Variants in FSTL4 observed in about 807,000 individuals in gnomAD.
FSTL4 encodes follistatin-related protein 4.
In FSTL4, 28 loss-of-function variants were observed where a neutral mutation model predicts 78.2. The observed-to-expected ratio is 0.36, with a 90% CI of 0.27 to 0.49. The LOEUF is 0.49. Among genes scored for constraint, FSTL4 ranks in the 20% least tolerant of loss-of-function variants. The pLI is 0.98. For missense variants in FSTL4, 922 were observed against 1,084.9 expected (o/e 0.85, Z 2.11); for synonymous variants, 422 against 440.5 (o/e 0.96, Z 0.53).
chr5:133,629,162 T>C, the FSTL4 span, among the ~76,000 whole-genome samples: 15 of 151,444 alleles, frequency 9.9e-5, no homozygotes, highest in Non-Finnish European at 2.1e-4. Context: ...ACCCAGCTTA[T>C]TGAGAGTTTT....
At chr5:133,704,445 G>T in the FSTL4 span, among the ~76,000 whole-genome samples, 1 of 152,154 alleles carries the variant, frequency 6.6e-6, no homozygotes, top group Admixed American at 6.5e-5. Context: ...AAGGGTTCAG[G>T]CCCCCAGGCA....
intron 3 of FSTL4, among the ~76,000 whole-genome samples, chr5:133,418,817 T>A (rs1323065277): frequency 6.6e-6 from 1 of 152,220 alleles, no homozygotes; most frequent in Non-Finnish European, 1.5e-5. Context: ...GACATATATG[T>A]ACACCCATGA....
At chr5:133,770,235 C>G in the FSTL4 span, among the ~76,000 whole-genome samples, 1 of 151,940 alleles carries the variant, frequency 6.6e-6, no homozygotes, top group Non-Finnish European at 1.5e-5. Context: ...ATTTCTTTCC[C>G]TTTGGGTAGA....
At chr5:133,500,056 A>G (rs938025018) in intron 3 of FSTL4, among the ~76,000 whole-genome samples, 1 of 152,148 alleles carries the variant, frequency 6.6e-6, no homozygotes, top group Non-Finnish European at 1.5e-5. Flanking sequence ...CATTGAATCA[A>G]TATTTGCTCT....
At chr5:133,704,026 C>T in the FSTL4 span, among the ~76,000 whole-genome samples, 7 of 152,098 alleles carry the variant, frequency 4.6e-5, no homozygotes, top group Non-Finnish European at 7.4e-5. Context: ...ACTCACCACA[C>T]GGATGTGAGG....
intron 4 of FSTL4, among the ~76,000 whole-genome samples, chr5:133,392,875 T>C (rs780680743): frequency 6.6e-6 from 1 of 152,236 alleles, no homozygotes; most frequent in Non-Finnish European, 1.5e-5. Context: ...CTCAGCTCAG[T>C]AACTTCTTAG....
At chr5:133,488,681 A>G (rs1360663066) in intron 3 of FSTL4, among the ~76,000 whole-genome samples, 1 of 152,198 alleles carries the variant, frequency 6.6e-6, no homozygotes, top group Non-Finnish European at 1.5e-5. Context: ...TTTGGAAGTA[A>G]ATTCCCAAAC....
At chr5:133,288,128 T>C (rs1377790353) in intron 6 of FSTL4, among the ~76,000 whole-genome samples, 1 of 152,236 alleles carries the variant, frequency 6.6e-6, no homozygotes, top group East Asian at 1.9e-4. Flanking sequence ...AAGTAATGCC[T>C]CAGTAAAGAA....
the FSTL4 span, among the ~76,000 whole-genome samples, chr5:133,825,856 C>T: frequency 6.6e-6 from 1 of 152,262 alleles, no homozygotes; most frequent in African/African-American, 2.4e-5. Context: ...CCCCCAGCAT[C>T]GAGCTGTCTC....
the FSTL4 span, among the ~76,000 whole-genome samples, chr5:133,817,043 G>A: frequency 6.6e-6 from 1 of 152,220 alleles, no homozygotes; most frequent in Non-Finnish European, 1.5e-5. Flanking sequence ...CTTCCCAGTG[G>A]CATCCCCAAC....
At chr5:133,300,676 C>G (rs552406739) in intron 6 of FSTL4, among the ~76,000 whole-genome samples, 3 of 152,310 alleles carry the variant, frequency 2.0e-5, no homozygotes, top group Admixed American at 6.5e-5. Flanking sequence ...GATGTTGAAC[C>G]TGCTGCCAAG....
At chr5:133,349,388 C>A (rs553671399) in intron 4 of FSTL4, among the ~76,000 whole-genome samples, 156 of 151,634 alleles carry the variant, frequency 1.0e-3, no homozygotes, top group African/African-American at 3.7e-3. Flanking sequence ...GAGCTTCCAG[C>A]GGTGCAGAAG....
At chr5:133,285,167 A>C (rs1203547370) in intron 6 of FSTL4, among the ~76,000 whole-genome samples, 8 of 152,250 alleles carry the variant, frequency 5.3e-5, no homozygotes, top group African/African-American at 1.9e-4. Flanking sequence ...AGATTTGCAC[A>C]AAGTTTATTT....
the FSTL4 span, among the ~76,000 whole-genome samples, chr5:133,733,569 T>G: frequency 6.6e-6 from 1 of 152,194 alleles, no homozygotes; most frequent in Non-Finnish European, 1.5e-5. Context: ...TGGTGGGACA[T>G]TCTGTAAAAC....
At chr5:133,770,093 T>G in the FSTL4 span, among the ~76,000 whole-genome samples, 1 of 152,060 alleles carries the variant, frequency 6.6e-6, no homozygotes, top group East Asian at 1.9e-4. Flanking sequence ...TTTGTGTGTG[T>G]GGGTGTGTGT....
At chr5:133,464,289 C>T (rs962301838) in intron 3 of FSTL4, among the ~76,000 whole-genome samples, 1 of 152,242 alleles carries the variant, frequency 6.6e-6, no homozygotes. Context: ...AAGTTACTAA[C>T]TTGAAGGCTG....
At chr5:133,539,264 G>A (rs369518899) in intron 3 of FSTL4, among the ~76,000 whole-genome samples, 1 of 151,922 alleles carries the variant, frequency 6.6e-6, no homozygotes, top group East Asian at 1.9e-4. Flanking sequence ...TCCACCCTCT[G>A]GCCACAATTC....
intron 5 of FSTL4, among the ~76,000 whole-genome samples, 173 bp downstream of exon 5, chr5:133,316,286 G>A (rs543856676): frequency 6.6e-6 from 1 of 152,306 alleles, no homozygotes; most frequent in African/African-American, 2.4e-5. Flanking sequence ...GGGCCTGAAA[G>A]CTTGTTTGTA....
intron 3 of FSTL4, among the ~76,000 whole-genome samples, chr5:133,467,737 C>T (rs1298163433): frequency 6.6e-6 from 1 of 152,110 alleles, no homozygotes; most frequent in Non-Finnish European, 1.5e-5. Flanking sequence ...CGATGGAGCA[C>T]ACGGCTCACC....
Sources: gnomAD v4.1 joint callset for allele counts (sites outside exome capture counted in the v4.1 genomes callset) on GRCh38, gnomAD v4.1.1 for gene constraint, MANE v1.5 for transcripts, NCBI Gene and HGNC (gene_info 2026-07-23, HGNC 2026-07-21) for gene names.